PXDNL: variants seen among roughly 807,000 people sequenced by gnomAD.
PXDNL encodes the protein peroxidasin like.
PXDNL carries 145 observed loss-of-function variants against 150.8 expected under a neutral mutation model. The observed-to-expected ratio is 0.96, with a 90% CI of 0.84 to 1.10. The LOEUF (loss-of-function observed/expected upper bound fraction) is 1.10. Ranked by LOEUF, PXDNL falls within the 50% of genes least tolerant of loss-of-function variation. The pLI, the probability that PXDNL is intolerant of heterozygous loss-of-function variation, is 0.00. For missense variants in PXDNL, 2,087 were observed against 1,873.9 expected (o/e 1.11, Z -2.10); for synonymous variants, 757 against 725.7 (o/e 1.04, Z -0.69).
At chr8:51,644,149 A>AAAAT (rs1563493640) in intron 2 of PXDNL, among the ~76,000 whole-genome samples, 2 of 151,298 alleles carry the variant, frequency 1.3e-5, no homozygotes, top group East Asian at 2.0e-4. Flanking sequence ...CCATCTCAAA[A>AAAAT]AAATAAATAA....
chr8:51,327,300 G>T (rs560890150), intron 21 of PXDNL, among the ~76,000 whole-genome samples: 15 of 152,266 alleles, frequency 9.9e-5, no homozygotes, highest in African/African-American at 3.1e-4. Flanking sequence ...TGTATAAAAC[G>T]CCAGTGAAAG....
At chr8:51,360,318 T>A (rs1450696348) in intron 19 of PXDNL, among the ~76,000 whole-genome samples, 2 of 152,220 alleles carry the variant, frequency 1.3e-5, no homozygotes, top group Non-Finnish European at 2.9e-5. Flanking sequence ...TGCTTACACA[T>A]GTACACACAT....
At chr8:51,457,296 A>G (rs1450517453) in intron 9 of PXDNL, among the ~76,000 whole-genome samples, 4 of 152,220 alleles carry the variant, frequency 2.6e-5, no homozygotes, top group Non-Finnish European at 2.9e-5. Context: ...TGGAACCACA[A>G]TGTGCTGTAC....
chr8:51,676,171 C>A (rs1460620512), intron 1 of PXDNL, among the ~76,000 whole-genome samples: 1 of 152,116 alleles, frequency 6.6e-6, no homozygotes, highest in Non-Finnish European at 1.5e-5. Context: ...ATCTTTACCT[C>A]CTAAGAATGC....
At chr8:51,495,999 G>A (rs942596287) in intron 5 of PXDNL, among the ~76,000 whole-genome samples, 3 of 152,000 alleles carry the variant, frequency 2.0e-5, no homozygotes, top group African/African-American at 7.2e-5. Flanking sequence ...TTAGACCAAT[G>A]ACCCTGATGA....
At chr8:51,758,123 T>C (rs972495090) in intron 1 of PXDNL, among the ~76,000 whole-genome samples, 3 of 152,202 alleles carry the variant, frequency 2.0e-5, no homozygotes, top group Non-Finnish European at 4.4e-5. Context: ...CTTTTTCTTA[T>C]GAAGATTTAA....
In PXDNL at chr8:51,403,593, C is replaced by T. The variant is rs780542760; in HGVS notation, c.3557+4474G>A. ...CTTTACACGTCTCACACATATCACA[C>T]GGGCCCTGGTGCCAGTCTTTACCCT... On this transcript the variant is annotated intron_variant, in intron 17 of 22. Coordinates refer to ENST00000356297, the MANE Select transcript of PXDNL (RefSeq NM_144651.5). Among the ~76,000 whole-genome samples the T allele has an allele frequency of 4.6e-5, 7 of 152,294 alleles. No homozygotes were observed. In the South Asian group the frequency reaches 1.2e-3, roughly 27 times the overall value.
intron 1 of PXDNL, among the ~76,000 whole-genome samples, chr8:51,709,504 T>A (rs1425437906): frequency 1.1e-4 from 17 of 152,234 alleles, no homozygotes; most frequent in Middle Eastern, 3.4e-3. Context: ...TCCACCCACC[T>A]CCGCCTCCCA....
At chr8:51,409,766 G>C (rs1260700609) in intron 16 of PXDNL, among the ~76,000 whole-genome samples, 1 of 151,476 alleles carries the variant, frequency 6.6e-6, no homozygotes, top group Non-Finnish European at 1.5e-5. Flanking sequence ...AGAAGATCCC[G>C]GGATTACTTT....
At chr8:51,693,636 G>A (rs1307942350) in intron 1 of PXDNL, among the ~76,000 whole-genome samples, 1 of 152,106 alleles carries the variant, frequency 6.6e-6, no homozygotes, top group Admixed American at 6.5e-5. Context: ...CAGGCATGGT[G>A]GTGTGCGCCT....
rs529593478 is a variant in PXDNL at position 51,552,719 on chromosome 8, G to T, written c.380+4121C>A. Among the ~76,000 whole-genome samples, 21 of 152,182 alleles carry T rather than the reference G, an allele frequency of 1.4e-4. 1 individual carries two copies. The South Asian group carries it at 3.5e-3, about 26-fold the overall frequency. ...GTGAGGGATCAAAGACTACACATTG[G>T]GTGCAGTGTACACTGCTCAGGTGTT... On this transcript the variant is annotated intron_variant, in intron 4 of 22. Coordinates refer to ENST00000356297, the MANE Select transcript of PXDNL (RefSeq NM_144651.5).
intron 1 of PXDNL, among the ~76,000 whole-genome samples, chr8:51,688,355 G>T (rs1815919073): frequency 6.6e-6 from 1 of 152,104 alleles, no homozygotes; most frequent in Non-Finnish European, 1.5e-5. Flanking sequence ...AAAATAATCT[G>T]ATTTGTGTTT....
At chr8:51,624,009 C>G (rs568639812) in intron 2 of PXDNL, among the ~76,000 whole-genome samples, 227 of 141,138 alleles carry the variant, frequency 1.6e-3, no homozygotes, top group Non-Finnish European at 2.6e-3. Context: ...GGGAGGATCA[C>G]TTGAGTCTGG....
chr8:51,369,991 A>T (rs1028240320), intron 19 of PXDNL, among the ~76,000 whole-genome samples: 22 of 152,266 alleles, frequency 1.4e-4, no homozygotes, highest in Non-Finnish European at 2.8e-4. Flanking sequence ...GGGCCTGCTC[A>T]CTGTCTCTGT....
At chr8:51,771,226 G>A (rs1198242968) in intron 1 of PXDNL, among the ~76,000 whole-genome samples, 4 of 152,090 alleles carry the variant, frequency 2.6e-5, no homozygotes, top group South Asian at 2.1e-4. Flanking sequence ...CACAGAGAAC[G>A]TTAAGGGAAC....
chr8:51,735,563 T>G (rs1817020950), intron 1 of PXDNL, among the ~76,000 whole-genome samples: 1 of 129,318 alleles, frequency 7.7e-6, no homozygotes, highest in African/African-American at 3.3e-5. Context: ...TTTTTTTTTT[T>G]TGAGACGGAG....
intron 4 of PXDNL, among the ~76,000 whole-genome samples, chr8:51,553,771 T>TATATATATATATATACAC (rs1236843720): frequency 1.0e-3 from 65 of 63,754 alleles, no homozygotes; most frequent in African/African-American, 5.2e-3. Flanking sequence ...TATATATATA[T>TATATATATATATATACAC]ACACACACTG....
At chr8:51,761,045 T>TTTG (rs1554513530) in intron 1 of PXDNL, among the ~76,000 whole-genome samples, 3 of 138,112 alleles carry the variant, frequency 2.2e-5, no homozygotes, top group African/African-American at 7.7e-5. Flanking sequence ...TTTTTTTTTT[T>TTTG]TGTATTTTTA....
intron 4 of PXDNL, among the ~76,000 whole-genome samples, chr8:51,553,234 T>C (rs1459771993): frequency 6.6e-6 from 1 of 152,172 alleles, no homozygotes; most frequent in Non-Finnish European, 1.5e-5. Flanking sequence ...AGTCTTGTGC[T>C]GCAAGCTCTC....
Sources: gnomAD v4.1 joint callset for allele counts (sites outside exome capture counted in the v4.1 genomes callset) on GRCh38, gnomAD v4.1.1 for gene constraint, MANE v1.5 for transcripts, NCBI Gene and HGNC (gene_info 2026-07-23, HGNC 2026-07-21) for gene names.